STXBP4: variants seen among roughly 807,000 people sequenced by gnomAD.
STXBP4 encodes syntaxin binding protein 4.
In STXBP4, 55 loss-of-function variants were observed where a neutral mutation model predicts 76.1. That is an observed-to-expected ratio of 0.72 (90% CI 0.58 to 0.91). The LOEUF is 0.91. Among genes scored for constraint, STXBP4 ranks in the 40% least tolerant of loss-of-function variants. STXBP4 has a pLI of 0.00. For synonymous variants in STXBP4, 201 were observed against 220.2 expected (o/e 0.91, Z 0.77); for missense variants, 618 against 636.9 (o/e 0.97, Z 0.32).
chr17:55,200,378 G>C, the STXBP4 span, among the ~76,000 whole-genome samples: 2 of 152,178 alleles, frequency 1.3e-5, no homozygotes, highest in African/African-American at 4.8e-5. Context: ...CCCTAGATAA[G>C]ACTTTTTGTC....
the STXBP4 span, among the ~76,000 whole-genome samples, chr17:55,180,235 T>G: frequency 4.6e-5 from 7 of 152,218 alleles, no homozygotes; most frequent in Non-Finnish European, 7.3e-5. Flanking sequence ...AATGTGAGCT[T>G]TCTTCCACTC....
intron 16 of STXBP4, among the ~76,000 whole-genome samples, chr17:55,119,063 G>A (rs1014638734): frequency 7.3e-5 from 11 of 151,440 alleles, no homozygotes; most frequent in Admixed American, 5.3e-4. Flanking sequence ...CCATTAACTC[G>A]TCATTTACAT....
chr17:54,982,208 G>T (rs2144338215), intron 1 of STXBP4, among the ~76,000 whole-genome samples: 1 of 152,176 alleles, frequency 6.6e-6, no homozygotes, highest in South Asian at 2.1e-4. Flanking sequence ...TTTTTGTCCA[G>T]TGAAAAGAAC....
chr17:55,113,949 C>T (rs972218446), intron 16 of STXBP4, among the ~76,000 whole-genome samples: 12 of 152,060 alleles, frequency 7.9e-5, no homozygotes, highest in African/African-American at 2.4e-4. Flanking sequence ...ATAATCTTTG[C>T]GACTTTCTTA....
rs150030101 is a variant in STXBP4, at chr17:55,164,744, G to A, written c.*4833G>A. 3,802 of 152,232 alleles carry A rather than the reference G, an allele frequency of 0.025. 167 individuals carry two copies. Among genetic ancestry groups the A allele is most frequent in the African/African-American group, 0.086 (3,581 of 41,500 alleles). 9.4% of individuals were successfully genotyped at this position (152,232 alleles called of 1,614,324 possible). A position where few individuals can be genotyped will look rare whatever the true frequency, so the allele number is the denominator to read the frequency against. ...TGGGATTACAGGCGTGAGCCACCGC[G>A]CCCGGCCTATTTCTTTTACATTATT... On this transcript the variant is annotated 3_prime_UTR_variant, in exon 18 of 18. Transcript: ENST00000376352.
At chr17:55,135,807 C>T (rs1445430560) in intron 16 of STXBP4, among the ~76,000 whole-genome samples, 1 of 152,010 alleles carries the variant, frequency 6.6e-6, no homozygotes, top group Non-Finnish European at 1.5e-5. Flanking sequence ...GATAATAATG[C>T]ACAAATTGAG....
chr17:55,196,535 T>A, the STXBP4 span, among the ~76,000 whole-genome samples: 1 of 152,258 alleles, frequency 6.6e-6, no homozygotes, highest in Non-Finnish European at 1.5e-5. Context: ...TTACTCACCA[T>A]AGAGAATTGA....
intron 8 of STXBP4, among the ~76,000 whole-genome samples, chr17:55,029,541 GA>G (rs1248236209): frequency 6.6e-6 from 1 of 150,584 alleles, no homozygotes; most frequent in African/African-American, 2.4e-5. Flanking sequence ...TAACTGAAGA[GA>G]AAAAAATACA....
Position 54,999,335 on chromosome 17 carries a change from T to C in STXBP4, c.181-10T>C. ...ATTAGTTCCTTTATAAATGTTACTG[T>C]TTTTGTTAGGATGGTCGTTTGAAGC... On this transcript the variant is annotated splice_polypyrimidine_tract_variant and intron_variant, in intron 4 of 17. Coordinates refer to ENST00000376352, the MANE Select transcript of STXBP4 (RefSeq NM_178509.6). The C allele has an allele frequency of 6.3e-7, 1 of 1,599,316 alleles. No homozygotes were observed. The highest frequency in any genetic ancestry group is 1.7e-5 in the Admixed American group (1 of 57,462).
the STXBP4 span, among the ~76,000 whole-genome samples, chr17:55,204,831 C>CACACACACACACACACAT: frequency 1.2e-4 from 13 of 109,440 alleles, 1 homozygote; most frequent in African/African-American, 4.3e-4. Context: ...CACACACACA[C>CACACACACACACACACAT]ACACACACAC....
Position 55,149,643 on chromosome 17 carries a change from A to C in STXBP4, c.1547+8276A>C, listed in dbSNP as rs530990742. 1.5e-4 allele frequency among the ~76,000 whole-genome samples: 23 copies of C among 152,300 alleles called. No homozygotes were observed. In the South Asian group the frequency reaches 4.4e-3, roughly 29 times the overall value. On this transcript the variant is annotated intron_variant, in intron 17 of 17. Transcript: ENST00000376352. The stretch of plus-strand genomic sequence containing the variant: ...AGGAGTTTAAAATGACAGTATTTAC[A>C]CAACTGCAGATGGAAACCAGTAGCC...
chr17:55,212,418 T>A, the STXBP4 span, among the ~76,000 whole-genome samples: 1 of 152,240 alleles, frequency 6.6e-6, no homozygotes, highest in Non-Finnish European at 1.5e-5. Flanking sequence ...TTATAGATTA[T>A]AAGCGCTAAA....
chr17:55,210,279 A>G, the STXBP4 span, among the ~76,000 whole-genome samples: 127,698 of 152,292 alleles, frequency 0.84, 53,842 homozygotes, highest in East Asian at 0.96. Context: ...AGCAGAAGAG[A>G]AGTCTAGCTT....
At chr17:54,994,865 T>G (rs1248843557) in intron 4 of STXBP4, among the ~76,000 whole-genome samples, 1 of 151,982 alleles carries the variant, frequency 6.6e-6, no homozygotes, top group Non-Finnish European at 1.5e-5. Context: ...GCACTCCATT[T>G]CCTTTCCCCC....
the STXBP4 span, among the ~76,000 whole-genome samples, chr17:55,183,846 A>G: frequency 6.6e-6 from 1 of 152,348 alleles, no homozygotes; most frequent in South Asian, 2.1e-4. Flanking sequence ...TGGCAATTAT[A>G]CATTTATGTG....
Position 55,034,178 on chromosome 17 carries a change from G to C in STXBP4, c.774G>C (p.Gln258His). The change falls in exon 10 of 18, where the codon CAG becomes CAC. Residue 258 changes from glutamine to histidine, a missense_variant. Gln to His is a conservative substitution (Grantham distance 24). Coordinates refer to ENST00000376352, the MANE Select transcript of STXBP4 (RefSeq NM_178509.6). ...KGTVSFGDFVQVARNLFCLQL... is the reference protein window; with the variant it reads ...KGTVSFGDFVHVARNLFCLQL... Reference sequence around the variant, plus strand: ...TGTGTTCCATTTTAGATTTTGTCCAGGTTGCCAGAAACTTGTTTTGCTTGC... The same window carrying C: ...TGTGTTCCATTTTAGATTTTGTCCACGTTGCCAGAAACTTGTTTTGCTTGC... The C allele has an allele frequency of 6.2e-7, 1 of 1,612,150 alleles. No individual in the cohort carries two copies. Among genetic ancestry groups the C allele is most frequent in the Non-Finnish European group, 8.5e-7 (1 of 1,178,796 alleles).
At chr17:55,211,983 G>GTA in the STXBP4 span, among the ~76,000 whole-genome samples, 1 of 146,106 alleles carries the variant, frequency 6.8e-6, no homozygotes, top group African/African-American at 2.5e-5. Flanking sequence ...GCTAATTTTT[G>GTA]TATTTTTTTT....
intron 8 of STXBP4, among the ~76,000 whole-genome samples, chr17:55,008,702 A>G (rs1175738688): frequency 2.6e-5 from 4 of 152,132 alleles, no homozygotes; most frequent in Admixed American, 2.6e-4. Context: ...CAGATTCTTA[A>G]CATCTCTGTG....
intron 16 of STXBP4, among the ~76,000 whole-genome samples, chr17:55,107,944 G>A (rs754560329): frequency 7.9e-5 from 12 of 152,336 alleles, no homozygotes; most frequent in South Asian, 2.1e-4. Context: ...GAGCTCAAGC[G>A]CTGTGCTGGG....
Sources: allele counts gnomAD v4.1 joint callset (sites outside exome capture counted in the v4.1 genomes callset), GRCh38; gene constraint gnomAD v4.1.1; transcripts MANE v1.5; gene names NCBI Gene and HGNC (gene_info 2026-07-23, HGNC 2026-07-21).